The following KCNE2 variants were observed in gnomAD, a reference collection of about 807,000 sequenced individuals.
KCNE2 encodes potassium voltage-gated channel subfamily E member 2.
In KCNE2, 4 loss-of-function variants were observed where a neutral mutation model predicts 4.5. That is an observed-to-expected ratio of 0.89 (90% CI 0.44 to 2.03). The LOEUF is 2.03. Ranked by LOEUF, KCNE2 falls within the 30% of genes most tolerant of loss-of-function variation. KCNE2 has a pLI of 0.03. For synonymous variants in KCNE2, 57 were observed against 55.9 expected (o/e 1.02, Z -0.09); for missense variants, 137 against 151.4 (o/e 0.90, Z 0.50).
intron 1 of KCNE2, 45 bp from the exon 2 acceptor site, chr21:34,370,422 C>T: frequency 6.2e-7 from 1 of 1,613,016 alleles, no homozygotes; most frequent in Non-Finnish European, 8.5e-7. Context: ...CAGAAAAGAT[C>T]CGTTTTCCTA....
At chr21:34,368,232 A>ATC (rs1979408690) in intron 1 of KCNE2, among the ~76,000 whole-genome samples, 1 of 36,460 alleles carries the variant, frequency 2.7e-5, no homozygotes, top group African/African-American at 7.3e-5. Flanking sequence ...CACACACAAT[A>ATC]TATATATATA....
rs554011844 is a variant in KCNE2, at chr21:34,370,590, C to G, written c.112C>G (p.Gln38Glu). 6.2e-7 allele frequency: 1 copy of G among 1,614,190 alleles called. No homozygotes were observed. The highest frequency in any genetic ancestry group is 1.3e-5 in the African/African-American group (1 of 75,040). Residue 38 changes from glutamine to glutamate, a missense_variant, in exon 2 of 2, where the codon CAA becomes GAA. Coordinates refer to ENST00000290310, the MANE Select transcript of KCNE2 (RefSeq NM_172201.2). ...CACAACAGCTGAGCAAGAGGCCCTC[C>G]AAGCCAAAGTTGATGCTGAGAACTT... is the stretch of plus-strand genomic sequence containing the variant. ...QNTTAEQEAL[Q>E]AKVDAENFYY...
At chr21:34,364,473 A>G (rs1482723619) in intron 1 of KCNE2, among the ~76,000 whole-genome samples, 2 of 152,144 alleles carry the variant, frequency 1.3e-5, no homozygotes, top group Admixed American at 1.3e-4. Context: ...ATGTTTCAAG[A>G]AAAGAAAACT....
chr21:34,367,160 A>T (rs1251691116), intron 1 of KCNE2, among the ~76,000 whole-genome samples: 11 of 69,936 alleles, frequency 1.6e-4, no homozygotes, highest in Non-Finnish European at 1.2e-4. Context: ...ACCCCATCTC[A>T]AAAAAAAAAA....
chr21:34,364,703 G>C (rs1223848922), intron 1 of KCNE2, among the ~76,000 whole-genome samples: 2 of 151,928 alleles, frequency 1.3e-5, no homozygotes, highest in African/African-American at 4.8e-5. Context: ...AACCCGGGAG[G>C]TGGAGCTTGC....
intron 1 of KCNE2, among the ~76,000 whole-genome samples, chr21:34,369,334 G>C (rs1979479457): frequency 1.3e-5 from 2 of 152,116 alleles, no homozygotes; most frequent in South Asian, 2.1e-4. Context: ...TGGATCACCT[G>C]AAGTCAGGAG....
In KCNE2 at chr21:34,371,178, A is replaced by C. The variant is rs1297805230; in HGVS notation, c.*328A>C. On this transcript the variant is annotated 3_prime_UTR_variant, in exon 2 of 2. Coordinates refer to ENST00000290310, the MANE Select transcript of KCNE2 (RefSeq NM_172201.2). ...GGCAGTGGCTGTGGGGATAGAAAGG[A>C]GAGATTTACAAATCATTGAATCTTC... is the stretch of plus-strand genomic sequence containing the variant. The C allele has an allele frequency of 2.8e-6, 1 of 352,258 alleles. No individual in the cohort carries two copies. Among genetic ancestry groups the C allele is most frequent in the African/African-American group, 2.1e-5 (1 of 47,358 alleles). The allele number at this position is 352,258 out of a possible 1,614,324, so 21.8% of individuals were successfully genotyped here. A position where few individuals can be genotyped will look rare whatever the true frequency, so the allele number is the denominator to read the frequency against.
chr21:34,367,777 G>A (rs187869020), intron 1 of KCNE2, among the ~76,000 whole-genome samples: 2 of 152,080 alleles, frequency 1.3e-5, no homozygotes, highest in African/African-American at 4.8e-5. Context: ...CTAAAGAGAC[G>A]GGCATGTCTT....
At chr21:34,366,937 C>T (rs978619630) in intron 1 of KCNE2, among the ~76,000 whole-genome samples, 5 of 136,430 alleles carry the variant, frequency 3.7e-5, no homozygotes, top group African/African-American at 1.1e-4. Flanking sequence ...CGAGATCGCG[C>T]CACTGCACTC....
rs1979197353 is a variant in KCNE2 at position 34,364,157 on chromosome 21, T to A, written c.-13+6T>A. ...CCTGCCCACACACTGCATAGGTAAGTCTTAGCACACATTCTTTATTTTTTG... is the reference window on the plus strand; with the variant it reads ...CCTGCCCACACACTGCATAGGTAAGACTTAGCACACATTCTTTATTTTTTG... On this transcript the variant is annotated splice_donor_region_variant and intron_variant, in intron 1 of 1. Transcript: ENST00000290310. 6.6e-6 allele frequency: 1 copy of A among 152,164 alleles called. No individual in the cohort carries two copies. The highest frequency in any genetic ancestry group is 6.5e-5 in the Admixed American group (1 of 15,274). The allele number at this position is 152,164 out of a possible 1,614,324, so 9.4% of individuals were successfully genotyped here.
At chr21:34,370,349 G>T in intron 1 of KCNE2, 118 bp from the exon 2 acceptor site, 1 of 1,218,618 alleles carries the variant, frequency 8.2e-7, no homozygotes. Flanking sequence ...CACCAGCCAG[G>T]TTAAGAAGAA....
intron 1 of KCNE2, among the ~76,000 whole-genome samples, chr21:34,366,755 G>C (rs542639463): frequency 1.3e-5 from 2 of 151,816 alleles, no homozygotes; most frequent in African/African-American, 4.8e-5. Context: ...CAAGGTGGGC[G>C]GATCACGAGG....
intron 1 of KCNE2, among the ~76,000 whole-genome samples, chr21:34,369,205 C>T (rs537376389): frequency 2.6e-5 from 4 of 152,100 alleles, no homozygotes; most frequent in Non-Finnish European, 5.9e-5. Context: ...TTAAGAACAA[C>T]CATCGCATCA....
chr21:34,365,989 C>T (rs1216715145), intron 1 of KCNE2, among the ~76,000 whole-genome samples: 1 of 152,196 alleles, frequency 6.6e-6, no homozygotes, highest in Admixed American at 6.5e-5. Flanking sequence ...GACATTTAAT[C>T]CCTATAGGCC....
chr21:34,371,142 T>G lies in KCNE2; in HGVS notation c.*292T>G. On this transcript the variant is annotated 3_prime_UTR_variant, in exon 2 of 2. Transcript: ENST00000290310. ...GATGAAAATAAAGCCAAATTTGAAG[T>G]AAAGTGTCTGGGCAGTGGCTGTGGG... 4.4e-6 allele frequency: 2 copies of G among 449,762 alleles called. No homozygotes were observed. The highest frequency in any genetic ancestry group is 8.4e-6 in the Non-Finnish European group (2 of 237,568). The allele number at this position is 449,762 out of a possible 1,614,324, so 27.9% of individuals were successfully genotyped here. A position where few individuals can be genotyped will look rare whatever the true frequency, so the allele number is the denominator to read the frequency against.
intron 1 of KCNE2, among the ~76,000 whole-genome samples, chr21:34,368,229 A>ACTATATATAT (rs781775671): frequency 3.5e-5 from 3 of 84,806 alleles, no homozygotes; most frequent in African/African-American, 1.8e-4. Context: ...ACACACACAC[A>ACTATATATAT]ATATATATAT....
chr21:34,368,228 CAATATA>C (rs1199458448), intron 1 of KCNE2, among the ~76,000 whole-genome samples: 24 of 51,360 alleles, frequency 4.7e-4, no homozygotes, highest in Non-Finnish European at 7.3e-4. Flanking sequence ...CACACACACA[CAATATA>C]TATATATATA....
intron 1 of KCNE2, among the ~76,000 whole-genome samples, chr21:34,368,217 ACACACACACAC>A: frequency 1.0e-5 from 1 of 95,790 alleles, no homozygotes; most frequent in Non-Finnish European, 1.9e-5. Flanking sequence ...ACACACACAC[ACACACACACAC>A]AATATATATA....
chr21:34,368,329 G>A (rs1016871807), intron 1 of KCNE2, among the ~76,000 whole-genome samples: 8 of 148,240 alleles, frequency 5.4e-5, no homozygotes, highest in South Asian at 2.1e-4. Context: ...GGCCGGGAGC[G>A]GTGGCTCACA....
Sources: gnomAD v4.1 joint callset for allele counts (sites outside exome capture counted in the v4.1 genomes callset) on GRCh38, gnomAD v4.1.1 for gene constraint, MANE v1.5 for transcripts, NCBI Gene and HGNC (gene_info 2026-07-23, HGNC 2026-07-21) for gene names.